The following MED13L variants were observed in gnomAD, a reference collection of about 807,000 sequenced individuals.
The protein encoded by MED13L is mediator of RNA polymerase II transcription subunit 13-like.
A neutral mutation model predicts 220.9 loss-of-function variants in MED13L; 7 were observed. That is an observed-to-expected ratio of 0.03 (90% CI 0.02 to 0.06). The LOEUF is 0.06. Ranked by LOEUF, MED13L falls within the 10% of genes least tolerant of loss-of-function variation. The pLI is 1.00. For synonymous variants in MED13L, 1,011 were observed against 1,015.2 expected (o/e 1.00, Z 0.08); for missense variants, 1,965 against 2,760.5 (o/e 0.71, Z 6.46).
At position 115,997,213 on chromosome 12, in the gene MED13L, T is replaced by C; in HGVS notation, c.2587A>G (p.Arg863Gly). 6.2e-7 allele frequency: 1 copy of C among 1,614,094 alleles called. No homozygotes were observed. Among genetic ancestry groups the C allele is most frequent in the Non-Finnish European group, 8.5e-7 (1 of 1,179,998 alleles). The change falls in exon 15 of 31, where the codon AGG becomes GGG. Residue 863 changes from arginine (R) to glycine (G), a missense_variant. Arg to Gly is a moderately radical substitution (Grantham distance 125). Transcript: ENST00000281928. ...AAAGATGGTGGAGTGGGAAACATCC[T>C]TTGCAAGTCTGCAACTGCTAAAAAT... is the stretch of plus-strand genomic sequence containing the variant. Reference protein sequence around the residue: ...PYPPTVADLQRMFPTPPSLEQ... With the variant: ...PYPPTVADLQGMFPTPPSLEQ...
intron 1 of MED13L, among the ~76,000 whole-genome samples, chr12:116,247,357 T>C (rs1276566327): frequency 1.3e-5 from 2 of 152,226 alleles, no homozygotes; most frequent in African/African-American, 4.8e-5. Context: ...ATTCCTAAAC[T>C]GAAGAACAAT....
At chr12:116,238,370 T>C (rs1292154202) in intron 1 of MED13L, among the ~76,000 whole-genome samples, 4 of 152,242 alleles carry the variant, frequency 2.6e-5, no homozygotes, top group Non-Finnish European at 5.9e-5. Flanking sequence ...ACATGAGAAC[T>C]TGCAACCAGC....
chr12:116,206,996 T>C (rs780109206), intron 2 of MED13L, among the ~76,000 whole-genome samples: 12 of 152,014 alleles, frequency 7.9e-5, no homozygotes, highest in East Asian at 3.9e-4. Flanking sequence ...CTTTAAAGCA[T>C]AGTAAAGGCA....
intron 1 of MED13L, among the ~76,000 whole-genome samples, chr12:116,259,577 G>GT (rs927418278): frequency 6.6e-6 from 1 of 152,182 alleles, no homozygotes; most frequent in Non-Finnish European, 1.5e-5. Flanking sequence ...ACAGGACTCC[G>GT]TAAGTGGTGA....
chr12:116,111,533 G>GAAAAAAAA, intron 2 of MED13L, 21 bp from the exon 3 acceptor site: 1 of 1,519,552 alleles, frequency 6.6e-7, no homozygotes, highest in Non-Finnish European at 8.9e-7. Flanking sequence ...AAAGAAAAAA[G>GAAAAAAAA]AAAAAAAAAG....
At position 116,170,022 on chromosome 12, in the gene MED13L, TAAAC is replaced by T. The variant is rs201357121; in HGVS notation, c.311-58514_311-58511del. Among the ~76,000 whole-genome samples, 38 of 152,144 alleles carry T rather than the reference TAAAC, an allele frequency of 2.5e-4. No individual in the cohort carries two copies. In the East Asian group the frequency reaches 4.4e-3, roughly 18 times the overall value. Reference sequence around the variant, plus strand: ...GCAGAGTGAGACCCCGCCTCATAAATAAACAAACAAAAAATCGTATCAATGAACT... The same window carrying T: ...GCAGAGTGAGACCCCGCCTCATAAATAAACAAAAAATCGTATCAATGAACT... On this transcript the variant is annotated intron_variant, in intron 2 of 30. Transcript: ENST00000281928.
Position 116,060,271 on chromosome 12 carries a change from T to C in MED13L, c.479+36398A>G, listed in dbSNP as rs1303610408. Among the ~76,000 whole-genome samples, 8 of 152,088 alleles carry C rather than the reference T, an allele frequency of 5.3e-5. No individual in the cohort carries two copies. The East Asian group carries it at 1.5e-3, about 29-fold the overall frequency. On this transcript the variant is annotated intron_variant, in intron 4 of 30. Coordinates refer to ENST00000281928, the MANE Select transcript of MED13L (RefSeq NM_015335.5). ...AAGCCTCAAATTAAAAAAAAAAAGT[T>C]AATTTTGAAAAATTCACAAAAACAG...
chr12:116,204,688 C>G (rs2138324314), intron 2 of MED13L, among the ~76,000 whole-genome samples: 1 of 152,290 alleles, frequency 6.6e-6, no homozygotes, highest in African/African-American at 2.4e-5. Context: ...TGGTCTACCC[C>G]TATCTTGTTC....
Position 115,996,507 on chromosome 12 carries a change from G to C in MED13L, c.2965C>G (p.Pro989Ala), listed in dbSNP as rs751953837. Reference sequence around the variant, plus strand: ...CCATCTCTAATGAAAGTGGCTGCAGGGGGCATGGGCAGTTGTTCAATTTTA... The same window carrying C: ...CCATCTCTAATGAAAGTGGCTGCAGCGGGCATGGGCAGTTGTTCAATTTTA... ...PPKIEQLPMP[P>A]AATFIRDGYN... is the part of the protein sequence containing the mutation. Residue 989 changes from proline (P) to alanine (A), a missense_variant, in exon 16 of 31, where the codon CCT (proline) becomes GCT (alanine). Physicochemically the swap from Pro to Ala is conservative, Grantham distance 27. This residue lies in a region of MED13L where 233 missense variants were observed against 306.2 expected (regional missense o/e 0.76). Transcript: ENST00000281928. 9.3e-6 allele frequency: 15 copies of C among 1,614,040 alleles called. No individual in the cohort carries two copies. The highest frequency in any genetic ancestry group is 1.3e-5 in the Non-Finnish European group (15 of 1,180,006).
rs533135531 is a variant in MED13L at position 116,143,351 on chromosome 12, G to A, written c.311-31839C>T. Among the ~76,000 whole-genome samples, 11 of 151,788 alleles carry A rather than the reference G, an allele frequency of 7.2e-5. No individual in the cohort carries two copies. In the South Asian group the frequency reaches 2.1e-3, roughly 29 times the overall value. On this transcript the variant is annotated intron_variant, in intron 2 of 30. Coordinates refer to ENST00000281928, the MANE Select transcript of MED13L (RefSeq NM_015335.5). ...GTCTCAAAAAAAAAAAAAAAAGAGG[G>A]AAAGTGAGAAAAAGAAAGAATGAAT...
intron 1 of MED13L, among the ~76,000 whole-genome samples, chr12:116,268,930 C>T (rs1873042965): frequency 6.6e-6 from 1 of 152,150 alleles, no homozygotes; most frequent in South Asian, 2.1e-4. Context: ...TTATCTTCTC[C>T]TATCAATTTT....
chr12:116,087,043 T>C (rs1461839152), intron 4 of MED13L, among the ~76,000 whole-genome samples: 1 of 152,192 alleles, frequency 6.6e-6, no homozygotes, highest in East Asian at 1.9e-4. Context: ...TTAATGCAAA[T>C]TGTGTATATA....
At chr12:116,269,041 T>A (rs1331464192) in intron 1 of MED13L, among the ~76,000 whole-genome samples, 1 of 152,154 alleles carries the variant, frequency 6.6e-6, no homozygotes, top group Non-Finnish European at 1.5e-5. Flanking sequence ...GATTAACCCA[T>A]CACCTAGGTT....
chr12:116,210,820 T>A (rs541522802), intron 2 of MED13L, among the ~76,000 whole-genome samples: 1 of 151,970 alleles, frequency 6.6e-6, no homozygotes, highest in Non-Finnish European at 1.5e-5. Flanking sequence ...TAAACTGGTA[T>A]GATAATGAAT....
At chr12:116,181,465 T>C (rs1029988756) in intron 2 of MED13L, among the ~76,000 whole-genome samples, 9 of 152,174 alleles carry the variant, frequency 5.9e-5, no homozygotes, top group African/African-American at 2.2e-4. Context: ...ATAACACTCT[T>C]TACTATCATC....
chr12:116,115,128 C>T (rs1446307426), intron 2 of MED13L, among the ~76,000 whole-genome samples: 1 of 152,020 alleles, frequency 6.6e-6, no homozygotes, highest in Non-Finnish European at 1.5e-5. Flanking sequence ...AAGAAAAATA[C>T]AGAAATACTT....
chr12:116,163,313 C>A (rs1879019018), intron 2 of MED13L, among the ~76,000 whole-genome samples: 1 of 150,710 alleles, frequency 6.6e-6, no homozygotes, highest in Non-Finnish European at 1.5e-5. Flanking sequence ...AAATATATAT[C>A]TTTATATAAT....
chr12:116,064,907 T>C (rs1477934335), intron 4 of MED13L, among the ~76,000 whole-genome samples: 1 of 152,206 alleles, frequency 6.6e-6, no homozygotes, highest in Non-Finnish European at 1.5e-5. Flanking sequence ...TAGCACAATG[T>C]GTGGCATATA....
intron 4 of MED13L, among the ~76,000 whole-genome samples, chr12:116,066,213 C>CA (rs1869915329): frequency 6.6e-6 from 1 of 151,894 alleles, no homozygotes; most frequent in African/African-American, 2.4e-5. Flanking sequence ...TCTGGACACA[C>CA]AAAAGTAAAA....
Sources: gnomAD v4.1 joint callset for allele counts (sites outside exome capture counted in the v4.1 genomes callset) on GRCh38, gnomAD v4.1.1 for gene constraint, gnomAD v4.1.1 regional missense constraint, MANE v1.5 for transcripts, NCBI Gene and HGNC (gene_info 2026-07-23, HGNC 2026-07-21) for gene names.